SEPSECS: variants seen among roughly 807,000 people sequenced by gnomAD.
The protein encoded by SEPSECS is Sep (O-phosphoserine) tRNA:Sec (selenocysteine) tRNA synthase, also known as O-phosphoseryl-tRNA(Sec) selenium transferase.
Under a neutral mutation model 52.1 loss-of-function variants are expected in SEPSECS, and 42 were observed. That is an observed-to-expected ratio of 0.81 (90% CI 0.63 to 1.04). SEPSECS has a LOEUF of 1.04. Among genes scored for constraint, SEPSECS ranks in the 50% least tolerant of loss-of-function variants. The probability of loss-of-function intolerance (pLI) is 0.00; values close to 1 mark genes in which losing one functional copy is unlikely to be tolerated. For missense variants in SEPSECS, 590 were observed against 610.6 expected, an observed-to-expected ratio of 0.97 and a Z score of 0.36; for synonymous variants, 216 against 211.4, an observed-to-expected ratio of 1.02 and a Z score of -0.19.
intron 8 of SEPSECS, among the ~76,000 whole-genome samples, chr4:25,136,458 T>A (rs1232094328): frequency 6.6e-6 from 1 of 152,024 alleles, no homozygotes; most frequent in Non-Finnish European, 1.5e-5. Flanking sequence ...ACAATTCACA[T>A]TCACAATTAC....
chr4:25,149,268 G>C (rs6849555), intron 6 of SEPSECS, among the ~76,000 whole-genome samples: 20,251 of 151,862 alleles, frequency 0.13, 1,865 homozygotes, highest in Non-Finnish European at 0.2. Flanking sequence ...GTCTTGCTTT[G>C]TTGCCCAGGG....
In SEPSECS at chr4:25,156,854, A is replaced by AC; in HGVS notation, c.388+1dup. The AC allele has an allele frequency of 6.6e-7, 1 of 1,508,462 alleles. No homozygotes were observed. Among genetic ancestry groups the AC allele is most frequent in the Non-Finnish European group, 9.2e-7 (1 of 1,083,942 alleles). 93.4% of individuals were successfully genotyped at this position (1,508,462 alleles called of 1,614,324 possible). A position where few individuals can be genotyped will look rare whatever the true frequency, so the allele number is the denominator to read the frequency against. On this transcript the variant is annotated splice_donor_variant, in intron 3 of 10. Coordinates refer to ENST00000382103, the MANE Select transcript of SEPSECS (RefSeq NM_016955.4). LOFTEE classifies it high-confidence loss of function. ...AAGCATTATGATTAAGACGGTACAT[A>AC]CCAGCCAGCTTTATAATGTCCAGGA... is the stretch of plus-strand genomic sequence containing the variant.
intron 8 of SEPSECS, among the ~76,000 whole-genome samples, chr4:25,129,375 C>T (rs1029491159): frequency 1.3e-5 from 2 of 151,954 alleles, no homozygotes; most frequent in African/African-American, 4.8e-5. Context: ...GTAATCCCAG[C>T]ATTTTTGGGA....
In SEPSECS at chr4:25,158,940, TAAAA is replaced by T. The variant is rs748765764; in HGVS notation, c.269+9_269+12del. The T allele has an allele frequency of 4.1e-4, 668 of 1,612,578 alleles. 1 individual carries two copies. Among genetic ancestry groups the T allele is most frequent in the Middle Eastern group, 2.5e-3 (15 of 6,060 alleles). On this transcript the variant is annotated intron_variant, in intron 2 of 10. Coordinates refer to ENST00000382103, the MANE Select transcript of SEPSECS (RefSeq NM_016955.4). Reference sequence around the variant, plus strand: ...TAAACGATGTATCTCCTGTACTACTTAAAAAAAGATACCTGTAATGACGACGAGC... The same window carrying T: ...TAAACGATGTATCTCCTGTACTACTTAAAGATACCTGTAATGACGACGAGC...
In SEPSECS at chr4:25,133,755, C is replaced by A. The variant is rs532634658; in HGVS notation, c.1027-6398G>T. Among the ~76,000 whole-genome samples, 24 of 151,968 alleles carry A rather than the reference C, an allele frequency of 1.6e-4. No individual in the cohort carries two copies. In the East Asian group the frequency reaches 2.9e-3, roughly 18 times the overall value. ...CCTTTTCACAAGTTTTTGACTATATCCATATAGTTGAATATTTAGAGAAAT... is the reference window on the plus strand; with the variant it reads ...CCTTTTCACAAGTTTTTGACTATATACATATAGTTGAATATTTAGAGAAAT... On this transcript the variant is annotated intron_variant, in intron 8 of 10. Transcript: ENST00000382103.
intron 8 of SEPSECS, among the ~76,000 whole-genome samples, chr4:25,136,853 G>T (rs548752397): frequency 1.3e-3 from 205 of 152,226 alleles, no homozygotes; most frequent in African/African-American, 4.7e-3. Context: ...CATGGTACTG[G>T]TACAAAAACA....
At chr4:25,156,442 T>C (rs948761169) in intron 3 of SEPSECS, among the ~76,000 whole-genome samples, 21 of 151,628 alleles carry the variant, frequency 1.4e-4, no homozygotes, top group Non-Finnish European at 1.8e-4. Flanking sequence ...CGGTGGCTCA[T>C]GCCTGTAATC....
chr4:25,139,384 C>CTTTTTTTTT lies in SEPSECS; in HGVS notation c.1026+5381_1026+5389dup, dbSNP rs5856888. On this transcript the variant is annotated intron_variant, in intron 8 of 10. Transcript: ENST00000382103. The stretch of plus-strand genomic sequence containing the variant: ...CAAAACAACTTGAAGAAAGTTGTGT[C>CTTTTTTTTT]TTTTTTTTTTTTTTTTTTTTTGAGA... Among the ~76,000 whole-genome samples the CTTTTTTTTT allele has an allele frequency of 4.6e-5, 5 of 108,848 alleles. 1 individual carries two copies. The highest frequency in any genetic ancestry group is 6.9e-5 in the Non-Finnish European group (4 of 57,768). The allele number at this position is 108,848 out of a possible 152,430, so 71.4% of individuals were successfully genotyped here. A position where few individuals can be genotyped will look rare whatever the true frequency, so the allele number is the denominator to read the frequency against.
At chr4:25,155,946 TTA>T in intron 4 of SEPSECS, 89 bp downstream of exon 4, 1 of 1,194,382 alleles carries the variant, frequency 8.4e-7, no homozygotes, top group Non-Finnish European at 1.2e-6. Context: ...GGGAAGAGAG[TTA>T]GTTTATTTTT....
In SEPSECS at chr4:25,122,027, T is replaced by A. The variant is rs1314233219; in HGVS notation, c.*1904A>T. The A allele has an allele frequency of 6.6e-6, 1 of 152,164 alleles. No individual in the cohort carries two copies. The highest frequency in any genetic ancestry group is 2.4e-5 in the African/African-American group (1 of 41,460). 9.4% of individuals were successfully genotyped at this position (152,164 alleles called of 1,614,324 possible). A position where few individuals can be genotyped will look rare whatever the true frequency, so the allele number is the denominator to read the frequency against. ...TTGCAACAACATTTCAATCCCTTTT[T>A]TGACTCTAGAGGTTGCAACTCTTCA... On this transcript the variant is annotated 3_prime_UTR_variant, in exon 11 of 11. Coordinates refer to ENST00000382103, the MANE Select transcript of SEPSECS (RefSeq NM_016955.4).
At position 25,152,297 on chromosome 4, in the gene SEPSECS, C is replaced by T. The variant is rs935643527; in HGVS notation, c.702-235G>A. On this transcript the variant is annotated intron_variant, in intron 5 of 10. Transcript: ENST00000382103. ...CTTTTAAATTAATGTTATCAATATA[C>T]AAAAAAAATACAAAAATTTATGTAG... Among the ~76,000 whole-genome samples, 8 of 151,248 alleles carry T rather than the reference C, an allele frequency of 5.3e-5. No individual in the cohort carries two copies. The East Asian group carries it at 9.7e-4, about 18-fold the overall frequency.
In SEPSECS at chr4:25,159,055, T is replaced by A; in HGVS notation, c.167A>T (p.His56Leu). 4 of 1,613,452 alleles carry A rather than the reference T, an allele frequency of 2.5e-6. No homozygotes were observed. The highest frequency in any genetic ancestry group is 3.4e-6 in the Non-Finnish European group (4 of 1,179,764). The change falls in exon 2 of 11, where the codon CAT becomes CTT. Residue 56 changes from histidine to leucine, a missense_variant. Physicochemically the swap from His to Leu is moderately conservative, Grantham distance 99. Transcript: ENST00000382103. Reference sequence around the variant, plus strand: ...GTTGCTGTCCATGATTGCAAGTTCATGTAAAAAGAGTTCAAGTGTACTTTC... The same window carrying A: ...GTTGCTGTCCATGATTGCAAGTTCAAGTAAAAAGAGTTCAAGTGTACTTTC... The part of the protein sequence containing the change: ...WDESTLELFL[H>L]ELAIMDSNNF...
Position 25,121,385 on chromosome 4 carries a change from C to CTGATAGT in SEPSECS, c.*2539_*2545dup, listed in dbSNP as rs1728118785. The CTGATAGT allele has an allele frequency of 2.0e-5, 3 of 152,072 alleles. No individual in the cohort carries two copies. The highest frequency in any genetic ancestry group is 7.2e-5 in the African/African-American group (3 of 41,420). The allele number at this position is 152,072 out of a possible 1,614,324, so 9.4% of individuals were successfully genotyped here. ...TAAAAACCTAACTCCAATATTTTAC[C>CTGATAGT]TGATAGTTTTAATAAGGGTAGTTGG... On this transcript the variant is annotated 3_prime_UTR_variant, in exon 11 of 11. Coordinates refer to ENST00000382103, the MANE Select transcript of SEPSECS (RefSeq NM_016955.4).
chr4:25,130,720 C>T (rs1191845745), intron 8 of SEPSECS, among the ~76,000 whole-genome samples: 2 of 152,110 alleles, frequency 1.3e-5, no homozygotes, highest in South Asian at 2.1e-4. Flanking sequence ...CTCCTAAATG[C>T]TCTCCTATTA....
At position 25,159,009 on chromosome 4, in the gene SEPSECS, A is replaced by G; in HGVS notation, c.213T>C (p.Gly71=). ...MDSNNFLGNC[G]VGEREGRVAS... ...CCACTCTCCCTTCCCTTTCTCCCAC[A>G]CCACAATTGCCTAAGAAATTGTTGC... The change falls in exon 2 of 11, where the codon GGT becomes GGC. Residue 71 remains glycine (G), a synonymous_variant. Coordinates refer to ENST00000382103, the MANE Select transcript of SEPSECS (RefSeq NM_016955.4). 1.9e-6 allele frequency: 3 copies of G among 1,613,728 alleles called. No individual in the cohort carries two copies. The highest frequency in any genetic ancestry group is 2.5e-6 in the Non-Finnish European group (3 of 1,179,818).
In SEPSECS at chr4:25,121,743, T is replaced by C. The variant is rs1336158781; in HGVS notation, c.*2188A>G. On this transcript the variant is annotated 3_prime_UTR_variant, in exon 11 of 11. Transcript: ENST00000382103. ...TTAATAATAAAAACCACAGCTGATT[T>C]TCTGCATCAGGAATGAAATATTGTA... 6.6e-6 allele frequency: 1 copy of C among 152,176 alleles called. No homozygotes were observed. Among genetic ancestry groups the C allele is most frequent in the African/African-American group, 2.4e-5 (1 of 41,470 alleles). The allele number at this position is 152,176 out of a possible 1,614,324, so 9.4% of individuals were successfully genotyped here. A position where few individuals can be genotyped will look rare whatever the true frequency, so the allele number is the denominator to read the frequency against.
At chr4:25,126,018 G>C (rs1056009572) in intron 9 of SEPSECS, among the ~76,000 whole-genome samples, 2 of 152,096 alleles carry the variant, frequency 1.3e-5, no homozygotes, top group Non-Finnish European at 1.5e-5. Context: ...GCCTTCAGGA[G>C]AGTAAATTTT....
chr4:25,152,555 G>A (rs1712366251), intron 5 of SEPSECS, among the ~76,000 whole-genome samples: 1 of 151,824 alleles, frequency 6.6e-6, no homozygotes, highest in Non-Finnish European at 1.5e-5. Context: ...AAAAAATACA[G>A]AACATTAAAA....
intron 5 of SEPSECS, among the ~76,000 whole-genome samples, chr4:25,152,304 A>C (rs565381349): frequency 6.6e-6 from 1 of 152,196 alleles, no homozygotes; most frequent in Admixed American, 6.5e-5. Flanking sequence ...ATACAAAAAA[A>C]ATACAAAAAT....
Sources: gnomAD v4.1 joint callset for allele counts (sites outside exome capture counted in the v4.1 genomes callset) on GRCh38, gnomAD v4.1.1 for gene constraint, MANE v1.5 for transcripts, NCBI Gene and HGNC (gene_info 2026-07-23, HGNC 2026-07-21) for gene names.